Variants in CMTM2 observed in about 807,000 individuals in gnomAD.
CMTM2 encodes the protein CKLF-like MARVEL transmembrane domain-containing protein 2.
In CMTM2, 15 loss-of-function variants were observed where a neutral mutation model predicts 16.8. The ratio of observed to expected loss-of-function variants is 0.89; its 90% CI spans 0.60 to 1.37. The LOEUF (loss-of-function observed/expected upper bound fraction) is 1.37, where lower values mean the gene tolerates loss of function less well. CMTM2 is among the 40% of genes most tolerant of loss of function. The pLI is 0.00. For synonymous variants in CMTM2, 117 were observed against 118.7 expected (o/e 0.99, Z 0.09); for missense variants, 282 against 318.0 (o/e 0.89, Z 0.86).
In CMTM2 at chr16:66,579,485, C is replaced by T. The variant is rs2014674308; in HGVS notation, c.-123C>T. 3 of 1,229,716 alleles carry T rather than the reference C, an allele frequency of 2.4e-6. No homozygotes were observed. Among genetic ancestry groups the T allele is most frequent in the Middle Eastern group, 2.8e-4 (1 of 3,548 alleles). The allele number at this position is 1,229,716 out of a possible 1,614,324, so 76.2% of individuals were successfully genotyped here. A position where few individuals can be genotyped will look rare whatever the true frequency, so the allele number is the denominator to read the frequency against. ...GGCATTCGGTGGTCCTGGCAGTTAG[C>T]TGAGCACGCCCTCTGAGCCGCTCGG... On this transcript the variant is annotated 5_prime_UTR_variant, in exon 1 of 4. Coordinates refer to ENST00000268595, the MANE Select transcript of CMTM2 (RefSeq NM_144673.3). This position sits in a 1 kb window ranked among gnomAD's most constrained non-coding sequence, Gnocchi z 6.5.
intron 2 of CMTM2, 111 bp downstream of exon 2, chr16:66,580,295 C>T: frequency 2.5e-6 from 3 of 1,219,152 alleles, no homozygotes; most frequent in Non-Finnish European, 3.5e-6. Flanking sequence ...ATATCTGTGC[C>T]TGGGTCAGGG....
At position 66,579,479 on chromosome 16, in the gene CMTM2, A is replaced by C. The variant is rs999467750; in HGVS notation, c.-129A>C. 10 of 1,140,910 alleles carry C rather than the reference A, an allele frequency of 8.8e-6. No individual in the cohort carries two copies. In the East Asian group the frequency reaches 1.9e-4, roughly 22 times the overall value. 70.7% of individuals were successfully genotyped at this position (1,140,910 alleles called of 1,614,324 possible). A position where few individuals can be genotyped will look rare whatever the true frequency, so the allele number is the denominator to read the frequency against. Reference sequence around the variant, plus strand: ...GGAGTTGGCATTCGGTGGTCCTGGCAGTTAGCTGAGCACGCCCTCTGAGCC... The same window carrying C: ...GGAGTTGGCATTCGGTGGTCCTGGCCGTTAGCTGAGCACGCCCTCTGAGCC... On this transcript the variant is annotated 5_prime_UTR_variant, in exon 1 of 4. Coordinates refer to ENST00000268595, the MANE Select transcript of CMTM2 (RefSeq NM_144673.3). This position sits in a 1 kb window ranked among gnomAD's most constrained non-coding sequence, Gnocchi z 6.5.
Position 66,579,914 on chromosome 16 carries a change from G to A in CMTM2, c.285+22G>A. 1 of 1,611,634 alleles carries A rather than the reference G, an allele frequency of 6.2e-7. No individual in the cohort carries two copies. The highest frequency in any genetic ancestry group is 1.1e-5 in the South Asian group (1 of 90,996). On this transcript the variant is annotated intron_variant, in intron 1 of 3. Coordinates refer to ENST00000268595, the MANE Select transcript of CMTM2 (RefSeq NM_144673.3). This position sits in a 1 kb window ranked among gnomAD's most constrained non-coding sequence, Gnocchi z 6.5. ...TTTGGTGAGCTAAACTGGTATCCCT[G>A]GGTGGGGGGCCTTGGCCGAGGGTGG... is the stretch of plus-strand genomic sequence containing the variant.
chr16:66,580,394 G>A (rs975474643), intron 2 of CMTM2: 1 of 581,738 alleles, frequency 1.7e-6, no homozygotes, highest in Non-Finnish European at 3.1e-6. Flanking sequence ...CTATCTGTGT[G>A]TTGGAGTGAG....
At chr16:66,584,990 A>C (rs2014776773) in intron 2 of CMTM2, among the ~76,000 whole-genome samples, 1 of 140,910 alleles carries the variant, frequency 7.1e-6, no homozygotes, top group African/African-American at 2.7e-5. Context: ...CTTGTTGCCC[A>C]GGCTGGAGTG....
intron 3 of CMTM2, 76 bp from the exon 4 acceptor site, chr16:66,587,843 G>A (rs900155584): frequency 2.1e-6 from 3 of 1,457,244 alleles, no homozygotes; most frequent in African/African-American, 1.4e-5. Flanking sequence ...ACCCCCTGAT[G>A]AATGAGAAAC....
At chr16:66,581,043 G>T (rs1025067760) in intron 2 of CMTM2, among the ~76,000 whole-genome samples, 23 of 152,202 alleles carry the variant, frequency 1.5e-4, no homozygotes, top group Non-Finnish European at 3.2e-4. Flanking sequence ...GCCTAGAATG[G>T]CCAAGTAACT....
intron 2 of CMTM2, among the ~76,000 whole-genome samples, chr16:66,585,287 T>C (rs2014780773): frequency 1.3e-5 from 2 of 152,098 alleles, no homozygotes; most frequent in South Asian, 4.1e-4. Flanking sequence ...CAGGTGCCTA[T>C]AGTCCCAGCT....
chr16:66,587,045 G>A lies in CMTM2; in HGVS notation c.493G>A (p.Val165Ile), dbSNP rs745457323. ...TTGTGCGTTCCTTGTGGGAGCCGTG[G>A]TCTTTGCTGTGAGAAGTCGGCGATC... ...IACAFLVGAV[V>I]FAVRSRRSMN... The change falls in exon 3 of 4, where the codon GTC (valine) becomes ATC (isoleucine). Residue 165 changes from valine (V) to isoleucine (I), a missense_variant. Val to Ile is a conservative substitution (Grantham distance 29). Coordinates refer to ENST00000268595, the MANE Select transcript of CMTM2 (RefSeq NM_144673.3). 5.3e-5 allele frequency: 85 copies of A among 1,614,120 alleles called. No homozygotes were observed. The East Asian group carries it at 1.8e-3, about 35-fold the overall frequency.
chr16:66,580,200 TG>T lies in CMTM2; in HGVS notation c.444+20del. 1 of 1,613,794 alleles carries T rather than the reference TG, an allele frequency of 6.2e-7. No homozygotes were observed. Among genetic ancestry groups the T allele is most frequent in the East Asian group, 2.2e-5 (1 of 44,874 alleles). On this transcript the variant is annotated intron_variant, in intron 2 of 3. Transcript: ENST00000268595. ...GCCCATTTCTGTAAGTAAGGGGTGA[TG>T]GGGAGTGCCTGCATCCAGAATGCTG...
At chr16:66,587,870 C>T (rs1485174505) in intron 3 of CMTM2, 49 bp from the exon 4 acceptor site, 3 of 1,589,454 alleles carry the variant, frequency 1.9e-6, no homozygotes, top group South Asian at 1.1e-5. Flanking sequence ...GGAAACTCAC[C>T]ACCTTTGGAA....
rs192613713 is a variant in CMTM2 at position 66,588,205 on chromosome 16, G to T, written c.*86G>T. On this transcript the variant is annotated 3_prime_UTR_variant, in exon 4 of 4. Transcript: ENST00000268595. ...CTCTTCCTTGTCTTCTTTCTGGAAT[G>T]GTTTTCTTTTCCATTTTCATTACCA... is the stretch of plus-strand genomic sequence containing the variant. The T allele has an allele frequency of 3.9e-6, 5 of 1,294,674 alleles. No homozygotes were observed. Among genetic ancestry groups the T allele is most frequent in the Non-Finnish European group, 5.4e-6 (5 of 928,394 alleles). The allele number at this position is 1,294,674 out of a possible 1,614,324, so 80.2% of individuals were successfully genotyped here. A position where few individuals can be genotyped will look rare whatever the true frequency, so the allele number is the denominator to read the frequency against.
At chr16:66,583,590 A>G (rs986382510) in intron 2 of CMTM2, among the ~76,000 whole-genome samples, 2 of 152,220 alleles carry the variant, frequency 1.3e-5, no homozygotes, top group Non-Finnish European at 2.9e-5. Flanking sequence ...AAGACACTAC[A>G]TAGAGATTAT....
At chr16:66,586,685 T>C (rs995360807) in intron 2 of CMTM2, among the ~76,000 whole-genome samples, 1 of 152,018 alleles carries the variant, frequency 6.6e-6, no homozygotes, top group Non-Finnish European at 1.5e-5. Flanking sequence ...TGAGTATTAG[T>C]GGGAGGAGAC....
chr16:66,580,089 A>T lies in CMTM2; in HGVS notation c.349A>T (p.Ile117Phe). 6.2e-7 allele frequency: 1 copy of T among 1,614,186 alleles called. No individual in the cohort carries two copies. The highest frequency in any genetic ancestry group is 8.5e-7 in the Non-Finnish European group (1 of 1,180,020). The change falls in exon 2 of 4, where the codon ATC becomes TTC. Residue 117 changes from isoleucine (I) to phenylalanine (F), a missense_variant. Physicochemically the swap from Ile to Phe is conservative, Grantham distance 21. Coordinates refer to ENST00000268595, the MANE Select transcript of CMTM2 (RefSeq NM_144673.3). ...CACCGTGCACCCCATCTTGAGGCTT[A>T]TCATCACCATGGAGATATCCTTCTT... The part of the protein sequence containing the change: ...SLTVHPILRL[I>F]ITMEISFFSF...
In CMTM2 at chr16:66,587,777, C is replaced by T. The variant is rs2014811810; in HGVS notation, c.547-142C>T. The T allele has an allele frequency of 4.9e-6, 4 of 812,064 alleles. No individual in the cohort carries two copies. The South Asian group carries it at 6.5e-5, about 13-fold the overall frequency. The allele number at this position is 812,064 out of a possible 1,614,324, so 50.3% of individuals were successfully genotyped here. A position where few individuals can be genotyped will look rare whatever the true frequency, so the allele number is the denominator to read the frequency against. ...AAAGGCTGAGGGAGTAGGCACGCTC[C>T]TAGCCTCTCAGAGATGGTTGACATT... On this transcript the variant is annotated intron_variant, in intron 3 of 3. Transcript: ENST00000268595.
intron 2 of CMTM2, chr16:66,580,400 G>A: frequency 1.7e-6 from 1 of 571,750 alleles, no homozygotes; most frequent in South Asian, 2.1e-5. Flanking sequence ...GTGTGTTGGA[G>A]TGAGAGTGGG....
Position 66,587,096 on chromosome 16 carries a change from G to C in CMTM2, c.544G>C (p.Val182Leu). Residue 182 changes from valine to leucine, a missense_variant and splice_region_variant, in exon 3 of 4, where the codon GTG (valine) becomes CTG (leucine). Transcript: ENST00000268595. ...CATGAATCTCCACTACTTACTTGCT[G>C]TGGTGAGTCTTTCCATGCTGGGCCT... ...RSMNLHYLLAVILIGAAGVFA... is the reference protein window; with the variant it reads ...RSMNLHYLLALILIGAAGVFA... The C allele has an allele frequency of 6.2e-7, 1 of 1,612,258 alleles. No homozygotes were observed. The highest frequency in any genetic ancestry group is 8.5e-7 in the Non-Finnish European group (1 of 1,178,218).
chr16:66,580,903 A>G (rs947322145), intron 2 of CMTM2, among the ~76,000 whole-genome samples: 1 of 152,176 alleles, frequency 6.6e-6, no homozygotes, highest in African/African-American at 2.4e-5. Flanking sequence ...ACCACAGGGC[A>G]CAACCACCTA....
Sources: allele counts gnomAD v4.1 joint callset (sites outside exome capture counted in the v4.1 genomes callset), GRCh38; gene constraint gnomAD v4.1.1; non-coding constraint Gnocchi (gnomAD v3.1); transcripts MANE v1.5; gene names NCBI Gene and HGNC (gene_info 2026-07-23, HGNC 2026-07-21).